Variants in DNAJC16 observed in about 807,000 individuals in gnomAD.
DNAJC16 encodes DnaJ heat shock protein family (Hsp40) member C16, also known as dnaJ homolog subfamily C member 16.
DNAJC16 carries 76 observed loss-of-function variants against 92.7 expected under a neutral mutation model. The observed-to-expected ratio is 0.82, with a 90% CI of 0.68 to 0.99. The LOEUF is 0.99. Ranked by LOEUF, DNAJC16 falls within the 50% of genes least tolerant of loss-of-function variation. The probability of loss-of-function intolerance (pLI) is 0.00; values close to 1 mark genes in which losing one functional copy is unlikely to be tolerated. For synonymous variants in DNAJC16, 328 were observed against 358.7 expected (o/e 0.91, Z 0.97); for missense variants, 869 against 942.4 (o/e 0.92, Z 1.02).
intron 2 of DNAJC16, among the ~76,000 whole-genome samples, chr1:15,530,781 G>A (rs1710637954): frequency 6.6e-6 from 1 of 152,134 alleles, no homozygotes; most frequent in Admixed American, 6.5e-5. Flanking sequence ...TCCGCTTCCT[G>A]GGTTCAAGGG....
At chr1:15,563,774 C>T (rs1262747826) in intron 9 of DNAJC16, among the ~76,000 whole-genome samples, 155 bp from the exon 10 acceptor site, 2 of 146,712 alleles carry the variant, frequency 1.4e-5, no homozygotes, top group African/African-American at 2.5e-5. Context: ...GGCGTGAACC[C>T]GGGAGGCGGA....
At chr1:15,530,445 C>G (rs1044637845) in intron 2 of DNAJC16, among the ~76,000 whole-genome samples, 2 of 152,142 alleles carry the variant, frequency 1.3e-5, no homozygotes, top group Non-Finnish European at 2.9e-5. Flanking sequence ...CAAATATCAT[C>G]AGTTTCTTCC....
At chr1:15,548,914 G>T (rs1330970424) in intron 7 of DNAJC16, among the ~76,000 whole-genome samples, 1 of 152,046 alleles carries the variant, frequency 6.6e-6, no homozygotes, top group Non-Finnish European at 1.5e-5. Flanking sequence ...TTAAAATGTT[G>T]ATATTTTTAA....
intron 13 of DNAJC16, 115 bp downstream of exon 13, chr1:15,566,295 C>T (rs1638805835): frequency 1.2e-6 from 1 of 818,144 alleles, no homozygotes; most frequent in East Asian, 2.7e-5. Flanking sequence ...TGCACCTCCT[C>T]CCATGTAAAC....
At chr1:15,552,279 A>G (rs1638461283) in intron 7 of DNAJC16, among the ~76,000 whole-genome samples, 1 of 151,932 alleles carries the variant, frequency 6.6e-6, no homozygotes, top group Non-Finnish European at 1.5e-5. Flanking sequence ...TGAGGTCAGG[A>G]GTTCGAGACC....
rs1332706528 is a variant in DNAJC16 at position 15,570,517 on chromosome 1, T to C, written c.*2340T>C. On this transcript the variant is annotated 3_prime_UTR_variant, in exon 15 of 15. Coordinates refer to ENST00000375847, the MANE Select transcript of DNAJC16 (RefSeq NM_015291.4). ...TGAGCCACCATGCCAGATTTGTTCATTTTTAAACATTTTTATCTCTTCAAG... is the reference window on the plus strand; with the variant it reads ...TGAGCCACCATGCCAGATTTGTTCACTTTTAAACATTTTTATCTCTTCAAG... The C allele has an allele frequency of 6.6e-6, 1 of 152,182 alleles. No homozygotes were observed. The highest frequency in any genetic ancestry group is 2.4e-5 in the African/African-American group (1 of 41,428). The allele number at this position is 152,182 out of a possible 1,614,324, so 9.4% of individuals were successfully genotyped here.
At chr1:15,530,311 G>A (rs1710624532) in intron 2 of DNAJC16, among the ~76,000 whole-genome samples, 2 of 149,740 alleles carry the variant, frequency 1.3e-5, no homozygotes, top group African/African-American at 2.5e-5. Flanking sequence ...TCACACCACT[G>A]CACTCCAGCC....
Position 15,548,352 on chromosome 1 carries a change from G to T in DNAJC16, c.947G>T (p.Arg316Leu). 1 of 1,614,066 alleles carries T rather than the reference G, an allele frequency of 6.2e-7. No individual in the cohort carries two copies. The highest frequency in any genetic ancestry group is 8.5e-7 in the Non-Finnish European group (1 of 1,179,984). The part of the protein sequence containing the change: ...GLRGTEEMTR[R>L]YNINIYAPTL... ...AGAGGGACGGAAGAGATGACAAGGC[G>T]GTACAACATCAATATCTACGCCCCT... The change falls in exon 7 of 15, where the codon CGG becomes CTG. Residue 316 changes from arginine (R) to leucine (L), a missense_variant. Coordinates refer to ENST00000375847, the MANE Select transcript of DNAJC16 (RefSeq NM_015291.4).
At chr1:15,561,451 G>A (rs1167045387) in intron 8 of DNAJC16, among the ~76,000 whole-genome samples, 1 of 152,172 alleles carries the variant, frequency 6.6e-6, no homozygotes, top group African/African-American at 2.4e-5. Flanking sequence ...TTGGGGGGCT[G>A]AGGCAGGCGG....
chr1:15,566,433 G>GCAGGAC (rs1638809202), intron 13 of DNAJC16: 1 of 481,616 alleles, frequency 2.1e-6, no homozygotes, highest in African/African-American at 1.9e-5. Flanking sequence ...TGAGCCAGAA[G>GCAGGAC]CAGGACGTGG....
At position 15,566,132 on chromosome 1, in the gene DNAJC16, A is replaced by T. The variant is rs762828584; in HGVS notation, c.1730A>T (p.Gln577Leu). 1 of 1,614,116 alleles carries T rather than the reference A, an allele frequency of 6.2e-7. No individual in the cohort carries two copies. The highest frequency in any genetic ancestry group is 8.5e-7 in the Non-Finnish European group (1 of 1,180,024). ...ESSPPEKEEA[Q>L]EKTGKTEPSF... ...AGCCCTCCAGAAAAAGAGGAAGCCC[A>T]AGAGAAGACTGGGAAAACTGAGCCA... Residue 577 changes from glutamine (Q) to leucine (L), a missense_variant, in exon 13 of 15, where the codon CAA becomes CTA. Coordinates refer to ENST00000375847, the MANE Select transcript of DNAJC16 (RefSeq NM_015291.4).
rs1455416036 is a variant in DNAJC16, at chr1:15,562,326, G to A, written c.1338+1G>A. 5 of 1,611,570 alleles carry A rather than the reference G, an allele frequency of 3.1e-6. No homozygotes were observed. The highest frequency in any genetic ancestry group is 4.2e-6 in the Non-Finnish European group (5 of 1,178,366). On this transcript the variant is annotated splice_donor_variant, in intron 9 of 14. Coordinates refer to ENST00000375847, the MANE Select transcript of DNAJC16 (RefSeq NM_015291.4). LOFTEE classifies it high-confidence loss of function. ...TGAGGCGTTTCAAGGGAAATCAGCG[G>A]TAAGCCACAGAGTCTCTCCTCATCC...
chr1:15,566,785 G>A (rs1638820295), intron 13 of DNAJC16, among the ~76,000 whole-genome samples: 2 of 152,264 alleles, frequency 1.3e-5, no homozygotes, highest in African/African-American at 2.4e-5. Flanking sequence ...TTGGGAGGCT[G>A]AGGTAGGAGG....
intron 4 of DNAJC16, among the ~76,000 whole-genome samples, chr1:15,541,400 A>G (rs1006819208): frequency 2.0e-5 from 3 of 152,174 alleles, no homozygotes; most frequent in African/African-American, 7.2e-5. Flanking sequence ...CAAGAATCCA[A>G]TTTGGATTCT....
At chr1:15,551,900 A>G (rs1638450741) in intron 7 of DNAJC16, among the ~76,000 whole-genome samples, 1 of 151,816 alleles carries the variant, frequency 6.6e-6, no homozygotes, top group Non-Finnish European at 1.5e-5. Flanking sequence ...GTGTGGTGGC[A>G]TGCACCTGTA....
At position 15,536,640 on chromosome 1, in the gene DNAJC16, C is replaced by A; in HGVS notation, c.400C>A (p.Arg134=). ...SFFHFPFNSE[R]RDSIDEKYLL... ...TTTTCACTTCCCTTTTAATTCTGAA[C>A]GGCGGGACTCAATTGACGAAAAGTA... The change falls in exon 4 of 15, where the codon CGG becomes AGG. Residue 134 remains arginine (R), a synonymous_variant. Transcript: ENST00000375847. The A allele has an allele frequency of 6.2e-7, 1 of 1,614,010 alleles. No homozygotes were observed. The highest frequency in any genetic ancestry group is 1.3e-5 in the African/African-American group (1 of 74,984).
In DNAJC16 at chr1:15,529,133, T is replaced by C; in HGVS notation, c.28T>C (p.Trp10Arg). The change falls in exon 2 of 15, where the codon TGG (tryptophan) becomes CGG (arginine). Residue 10 changes from tryptophan (W) to arginine (R), a missense_variant. Physicochemically the swap from Trp to Arg is moderately radical, Grantham distance 101 (BLOSUM62 -3). Transcript: ENST00000375847. MEVRKLSIS[W>R]QFLIVLVLIL... The stretch of plus-strand genomic sequence containing the variant: ...GGAAGTGAGAAAGTTGAGCATTTCC[T>C]GGCAGTTCTTGATAGTTCTGGTTCT... The C allele has an allele frequency of 6.2e-7, 1 of 1,613,992 alleles. No individual in the cohort carries two copies. The highest frequency in any genetic ancestry group is 8.5e-7 in the Non-Finnish European group (1 of 1,179,954).
chr1:15,559,457 TAAAG>T, intron 7 of DNAJC16, 65 bp from the exon 8 acceptor site: 5 of 1,593,810 alleles, frequency 3.1e-6, no homozygotes. Flanking sequence ...AGCTGGTAAG[TAAAG>T]AAAGCCCATC....
At chr1:15,562,930 T>G (rs1035084164) in intron 9 of DNAJC16, among the ~76,000 whole-genome samples, 13 of 149,866 alleles carry the variant, frequency 8.7e-5, no homozygotes, top group African/African-American at 3.2e-4. Flanking sequence ...AAGTCTGGTC[T>G]TGCAGCATCC....
Sources: allele counts gnomAD v4.1 joint callset (sites outside exome capture counted in the v4.1 genomes callset), GRCh38; gene constraint gnomAD v4.1.1; transcripts MANE v1.5; gene names NCBI Gene and HGNC (gene_info 2026-07-23, HGNC 2026-07-21).